The following GLDN variants were observed in gnomAD, a reference collection of about 807,000 sequenced individuals.
GLDN encodes the protein collomin.
Under a neutral mutation model 56.5 loss-of-function variants are expected in GLDN, and 47 were observed. The observed-to-expected ratio is 0.83, with a 90% CI of 0.66 to 1.06. The LOEUF (loss-of-function observed/expected upper bound fraction) is 1.06. GLDN is among the 50% of genes least tolerant of loss of function. The pLI is 0.00. For synonymous variants in GLDN, 332 were observed against 278.8 expected (o/e 1.19, Z -1.90); for missense variants, 782 against 714.3 (o/e 1.09, Z -1.08).
At chr15:51,377,825 A>G (rs919301736) in intron 2 of GLDN, among the ~76,000 whole-genome samples, 1 of 152,218 alleles carries the variant, frequency 6.6e-6, no homozygotes, top group Non-Finnish European at 1.5e-5. Flanking sequence ...AGACCTTGCT[A>G]ATTAATACAG....
chr15:51,354,099 G>T (rs559192873), intron 1 of GLDN, among the ~76,000 whole-genome samples: 1 of 152,140 alleles, frequency 6.6e-6, no homozygotes, highest in African/African-American at 2.4e-5. Flanking sequence ...ACTAAAGATC[G>T]TTCAAAATGC....
Position 51,341,981 on chromosome 15 carries a change from GC to G in GLDN, c.300del (p.Ala101ArgfsTer12). ...GCAACAAGCGCAGCCACAGCGGCGA[GC>G]CCGCGCCGCATATCCGCGCCGAGAG... ...ARNKRSHSGE[P>X]APHIRAESHD... is the part of the protein sequence containing the mutation. On this transcript the variant is annotated frameshift_variant, in exon 1 of 10. Coordinates refer to ENST00000335449, the MANE Select transcript of GLDN (RefSeq NM_181789.4). LOFTEE classifies it high-confidence loss of function. The G allele has an allele frequency of 1.3e-6, 2 of 1,597,752 alleles. No homozygotes were observed. Among genetic ancestry groups the G allele is most frequent in the Non-Finnish European group, 1.7e-6 (2 of 1,179,508 alleles).
chr15:51,384,457 T>C (rs1475934158), intron 4 of GLDN: 1 of 160,366 alleles, frequency 6.2e-6, no homozygotes, highest in Non-Finnish European at 1.3e-5. Flanking sequence ...AAGATATGGC[T>C]GGCATCTCGG....
chr15:51,397,980 G>C (rs907997348), intron 6 of GLDN, among the ~76,000 whole-genome samples: 5 of 152,224 alleles, frequency 3.3e-5, no homozygotes, highest in African/African-American at 1.2e-4. Context: ...GGGGAAGTTT[G>C]GATTGGTTAG....
At chr15:51,358,251 G>GA (rs138526414) in intron 1 of GLDN, among the ~76,000 whole-genome samples, 8 of 152,286 alleles carry the variant, frequency 5.3e-5, no homozygotes, top group Admixed American at 2.0e-4. Context: ...ATTCAGGTAC[G>GA]AAAAGCACTG....
At position 51,352,325 on chromosome 15, in the gene GLDN, T is replaced by C. The variant is rs1042149451; in HGVS notation, c.363+10278T>C. ...TAATCCTATTTATGTAGGCTTTCCC[T>C]TCATGACCTAGTCACCTTCCAATAT... is the stretch of plus-strand genomic sequence containing the variant. On this transcript the variant is annotated intron_variant, in intron 1 of 9. Transcript: ENST00000335449. Among the ~76,000 whole-genome samples the C allele has an allele frequency of 1.6e-4, 24 of 152,194 alleles. 1 individual carries two copies. Among genetic ancestry groups the C allele is most frequent in the Admixed American group, 1.5e-3 (23 of 15,288 alleles).
chr15:51,407,143 C>T lies in GLDN; in HGVS notation c.*2389C>T, dbSNP rs935476496. ...TGCTCACCACTGGAGAAGCTTACAC[C>T]GGGACTTTTTTTCTTTTTTCTTTTT... On this transcript the variant is annotated 3_prime_UTR_variant, in exon 10 of 10. Coordinates refer to ENST00000335449, the MANE Select transcript of GLDN (RefSeq NM_181789.4). 3 of 151,806 alleles carry T rather than the reference C, an allele frequency of 2.0e-5. No individual in the cohort carries two copies. The highest frequency in any genetic ancestry group is 1.9e-4 in the East Asian group (1 of 5,186). 9.4% of individuals were successfully genotyped at this position (151,806 alleles called of 1,614,324 possible).
chr15:51,394,314 C>CAG (rs2038078486), intron 4 of GLDN, among the ~76,000 whole-genome samples: 2 of 152,182 alleles, frequency 1.3e-5, no homozygotes, highest in South Asian at 4.1e-4. Context: ...CCAAATTTCT[C>CAG]TAAAAATAAT....
rs17602686 is a variant in GLDN, at chr15:51,377,428, A to C, written c.364-21A>C. 302,149 of 1,607,702 alleles carry C rather than the reference A, an allele frequency of 0.19. 30,289 individuals carry two copies. Among genetic ancestry groups the C allele is most frequent in the Middle Eastern group, 0.22 (1,345 of 6,044 alleles). ...GGCCTGCTGCCCACTGTCTGCTCTG[A>C]TGACCCTCTCTCCCCTGCAGATCCG... On this transcript the variant is annotated intron_variant, in intron 1 of 9. Coordinates refer to ENST00000335449, the MANE Select transcript of GLDN (RefSeq NM_181789.4).
Position 51,407,529 on chromosome 15 carries a change from A to G in GLDN, c.*2775A>G, listed in dbSNP as rs772688921. 1.3e-5 allele frequency: 2 copies of G among 152,170 alleles called. No homozygotes were observed. Among genetic ancestry groups the G allele is most frequent in the Admixed American group, 6.6e-5 (1 of 15,266 alleles). The allele number at this position is 152,170 out of a possible 1,614,324, so 9.4% of individuals were successfully genotyped here. A position where few individuals can be genotyped will look rare whatever the true frequency, so the allele number is the denominator to read the frequency against. ...TTCCCACTGGAAAGTAAACAAAACC[A>G]TCCCTCCCAACCTCAAAGCTAGGCC... On this transcript the variant is annotated 3_prime_UTR_variant, in exon 10 of 10. Coordinates refer to ENST00000335449, the MANE Select transcript of GLDN (RefSeq NM_181789.4).
At chr15:51,410,639 G>A (rs1021909171), downstream of GLDN, among the ~76,000 whole-genome samples, 1 of 152,132 alleles carries the variant, frequency 6.6e-6, no homozygotes, top group East Asian at 1.9e-4. Context: ...CCATCTCAGA[G>A]TTTGCTTCCC....
chr15:51,394,614 A>G (rs545676833), intron 4 of GLDN, among the ~76,000 whole-genome samples: 3 of 140,112 alleles, frequency 2.1e-5, no homozygotes, highest in South Asian at 4.3e-4. Context: ...GTCCATCTCA[A>G]TAAATAAATA....
At chr15:51,391,473 CAG>C (rs1223127462) in intron 4 of GLDN, among the ~76,000 whole-genome samples, 1 of 152,224 alleles carries the variant, frequency 6.6e-6, no homozygotes, top group Non-Finnish European at 1.5e-5. Flanking sequence ...TCGAAGGTGT[CAG>C]TTACACTTGG....
At chr15:51,411,954 C>G (rs540602987), downstream of GLDN, among the ~76,000 whole-genome samples, 1 of 152,184 alleles carries the variant, frequency 6.6e-6, no homozygotes, top group Non-Finnish European at 1.5e-5. Context: ...TTAAAGATAG[C>G]TGCACACATA....
chr15:51,359,993 A>AAAAAAAG (rs1368865190), intron 1 of GLDN, among the ~76,000 whole-genome samples: 4 of 151,724 alleles, frequency 2.6e-5, no homozygotes, highest in Admixed American at 6.6e-5. Context: ...AAAAAAAAAA[A>AAAAAAAG]AAGAAGAAAG....
At chr15:51,366,379 C>G (rs1023264146) in intron 1 of GLDN, among the ~76,000 whole-genome samples, 2 of 152,182 alleles carry the variant, frequency 1.3e-5, no homozygotes, top group Admixed American at 6.5e-5. Flanking sequence ...GAACTGAAGA[C>G]TGGGCAAGGC....
intron 1 of GLDN, chr15:51,367,434 G>C (rs2037427937): frequency 6.6e-6 from 1 of 152,386 alleles, no homozygotes; most frequent in Middle Eastern, 3.4e-3. Context: ...GCGTGCAAGA[G>C]GGCTGGCCAG....
chr15:51,387,395 T>A (rs2037920857), intron 4 of GLDN, among the ~76,000 whole-genome samples: 1 of 152,018 alleles, frequency 6.6e-6, no homozygotes, highest in Non-Finnish European at 1.5e-5. Flanking sequence ...AAGAACGAGG[T>A]GCTCTGAGGT....
At chr15:51,385,263 G>C (rs1004439566) in intron 4 of GLDN, 1 of 152,324 alleles carries the variant, frequency 6.6e-6, no homozygotes, top group African/African-American at 2.4e-5. Context: ...GATGAGGGCA[G>C]GCTCAGGGGC....
Sources: gnomAD v4.1 joint callset for allele counts (sites outside exome capture counted in the v4.1 genomes callset) on GRCh38, gnomAD v4.1.1 for gene constraint, MANE v1.5 for transcripts, NCBI Gene and HGNC (gene_info 2026-07-23, HGNC 2026-07-21) for gene names.